MTHFD1L: variants seen among roughly 807,000 people sequenced by gnomAD.
MTHFD1L encodes methylenetetrahydrofolate dehydrogenase (NADP+ dependent) 1 like, also known as monofunctional C1-tetrahydrofolate synthase, mitochondrial.
A neutral mutation model predicts 119.5 loss-of-function variants in MTHFD1L; 81 were observed. The ratio of observed to expected loss-of-function variants is 0.68; its 90% confidence interval spans 0.57 to 0.82. The LOEUF is 0.82. Among genes scored for constraint, MTHFD1L ranks in the 40% least tolerant of loss-of-function variants. The pLI, the probability that MTHFD1L is intolerant of heterozygous loss-of-function variation, is 0.00. For missense variants in MTHFD1L, 1,125 were observed against 1,253.4 expected (o/e 0.90, Z 1.55); for synonymous variants, 430 against 475.2 (o/e 0.90, Z 1.24).
intron 26 of MTHFD1L, among the ~76,000 whole-genome samples, chr6:151,069,902 C>T (rs568553807): frequency 2.0e-5 from 3 of 152,346 alleles, no homozygotes; most frequent in South Asian, 2.1e-4. Flanking sequence ...TTTTCTATTT[C>T]AGCACACAGT....
chr6:150,991,761 G>A (rs984720345), intron 20 of MTHFD1L, among the ~76,000 whole-genome samples: 6 of 152,174 alleles, frequency 3.9e-5, no homozygotes, highest in African/African-American at 1.4e-4. Flanking sequence ...ATATTCTGGA[G>A]GGGAATAAAT....
Position 151,009,940 on chromosome 6 carries a change from G to T in MTHFD1L, c.2247G>T (p.Met749Ile). Residue 749 changes from methionine (M) to isoleucine (I), a missense_variant, in exon 21 of 28, where the codon ATG becomes ATT. By Grantham distance (10) the Met-to-Ile change is conservative. Around this residue, in one of 3 missense-constraint regions of MTHFD1L, gnomAD observed 1,058 missense variants for 1,151.2 expected, o/e 0.92. Transcript: ENST00000367321. ...VLVATVRALK[M>I]HGGGPSVTAG... ...TGGCAACGGTGCGAGCTCTGAAGAT[G>T]CATGGAGGCGGGCCAAGTGTAAGTG... 6.2e-7 allele frequency: 1 copy of T among 1,609,332 alleles called. No individual in the cohort carries two copies. The highest frequency in any genetic ancestry group is 8.5e-7 in the Non-Finnish European group (1 of 1,178,254).
intron 21 of MTHFD1L, among the ~76,000 whole-genome samples, chr6:151,010,784 C>T (rs1049244489): frequency 3.9e-5 from 6 of 151,990 alleles, no homozygotes; most frequent in South Asian, 2.1e-4. Context: ...TAAAATTTCT[C>T]TATCATAATA....
rs11756629 is a variant in MTHFD1L, at chr6:150,913,195, C to G, written c.893-5382C>G. On this transcript the variant is annotated intron_variant, in intron 8 of 27. Transcript: ENST00000367321. ...TTTTTTTTTGAGGCAGAGTCTCGCTCCCTCCCCCAGGCTGGAGTGCAGTGG... is the reference window on the plus strand; with the variant it reads ...TTTTTTTTTGAGGCAGAGTCTCGCTGCCTCCCCCAGGCTGGAGTGCAGTGG... Among the ~76,000 whole-genome samples the G allele has an allele frequency of 3.0e-3, 455 of 151,942 alleles. 3 individuals are homozygous for G. The highest frequency in any genetic ancestry group is 9.2e-3 in the East Asian group (47 of 5,116).
chr6:150,933,132 G>A (rs1791450114), intron 11 of MTHFD1L, among the ~76,000 whole-genome samples: 1 of 152,126 alleles, frequency 6.6e-6, no homozygotes, highest in African/African-American at 2.4e-5. Context: ...AGAAAGCTGA[G>A]CAGTCCTGTG....
In MTHFD1L at chr6:151,016,931, C is replaced by T. The variant is rs532805647; in HGVS notation, c.2586+1238C>T. The stretch of plus-strand genomic sequence containing the variant: ...GGGACTACAGGCGCAAGCAAGCGTG[C>T]CTGGCTAATTTCTTTTTTATTTTAG... On this transcript the variant is annotated intron_variant, in intron 24 of 27. Transcript: ENST00000367321. Among the ~76,000 whole-genome samples, 10 of 151,778 alleles carry T rather than the reference C, an allele frequency of 6.6e-5. No homozygotes were observed. In the South Asian group the frequency reaches 2.1e-3, roughly 32 times the overall value.
intron 7 of MTHFD1L, among the ~76,000 whole-genome samples, chr6:150,889,341 T>C (rs1782845312): frequency 6.6e-6 from 1 of 152,066 alleles, no homozygotes; most frequent in Admixed American, 6.5e-5. Flanking sequence ...TAGAAAAAAA[T>C]ATAGGCGTAT....
At chr6:151,084,701 C>T (rs1584430891) in intron 26 of MTHFD1L, among the ~76,000 whole-genome samples, 1 of 151,910 alleles carries the variant, frequency 6.6e-6, no homozygotes, top group Non-Finnish European at 1.5e-5. Flanking sequence ...CGTGGTGGCT[C>T]ATGCCTGTAA....
At chr6:151,057,215 C>T (rs6934853) in intron 26 of MTHFD1L, 1 of 984,728 alleles carries the variant, frequency 1.0e-6, no homozygotes, top group Non-Finnish European at 1.2e-6. Context: ...TTCTGTCAAT[C>T]TAATTTTTAA....
chr6:151,015,637 G>T lies in MTHFD1L; in HGVS notation c.2530G>T (p.Ala844Ser), dbSNP rs757045245. Reference protein sequence around the residue: ...GGKGSVDLARAVREAASKRSR... With the variant: ...GGKGSVDLARSVREAASKRSR... Reference sequence around the variant, plus strand: ...AAAAGGATCGGTGGACTTGGCTCGGGCTGTGAGAGAGGCTGCGAGTAAAAG... The same window carrying T: ...AAAAGGATCGGTGGACTTGGCTCGGTCTGTGAGAGAGGCTGCGAGTAAAAG... Residue 844 changes from alanine to serine, a missense_variant, in exon 24 of 28, where the codon GCT becomes TCT. Ala to Ser is a moderately conservative substitution (Grantham distance 99). Around this residue, in one of 3 missense-constraint regions of MTHFD1L, gnomAD observed 1,058 missense variants for 1,151.2 expected, o/e 0.92. Transcript: ENST00000367321. 6.2e-7 allele frequency: 1 copy of T among 1,614,144 alleles called. No individual in the cohort carries two copies. Among genetic ancestry groups the T allele is most frequent in the Non-Finnish European group, 8.5e-7 (1 of 1,180,030 alleles).
At chr6:151,003,895 C>A (rs1780990285) in intron 20 of MTHFD1L, among the ~76,000 whole-genome samples, 1 of 151,312 alleles carries the variant, frequency 6.6e-6, no homozygotes, top group Non-Finnish European at 1.5e-5. Context: ...TGGCCTGGTG[C>A]ACAGGAGAAA....
Position 151,062,626 on chromosome 6 carries a change from G to A in MTHFD1L, c.2847+25509G>A, listed in dbSNP as rs1399922649. Among the ~76,000 whole-genome samples the A allele has an allele frequency of 6.6e-5, 10 of 152,144 alleles. No individual in the cohort carries two copies. In the South Asian group the frequency reaches 2.1e-3, roughly 31 times the overall value. ...CTTATATATTAGGACTGTGTTGGGG[G>A]CAGGAGTAGGCAGAGTAACCCTTTG... On this transcript the variant is annotated intron_variant, in intron 26 of 27. Transcript: ENST00000367321.
chr6:151,051,984 T>C (rs950840764), intron 26 of MTHFD1L, among the ~76,000 whole-genome samples: 7 of 151,994 alleles, frequency 4.6e-5, no homozygotes, highest in Non-Finnish European at 1.0e-4. Flanking sequence ...GGCAATAACA[T>C]TGGAAGTGGA....
chr6:151,087,209 G>C (rs1051611107), intron 26 of MTHFD1L, among the ~76,000 whole-genome samples: 2 of 151,846 alleles, frequency 1.3e-5, no homozygotes, highest in Non-Finnish European at 2.9e-5. Flanking sequence ...AGATCACGCT[G>C]CTGCAGTCCA....
At chr6:151,055,897 G>C (rs1322929586) in intron 26 of MTHFD1L, 1 of 152,180 alleles carries the variant, frequency 6.6e-6, no homozygotes, top group African/African-American at 2.4e-5. Flanking sequence ...TCCAAGAACT[G>C]TATAATAGGA....
intron 9 of MTHFD1L, 21 bp downstream of exon 9, chr6:150,918,689 T>C (rs779417878): frequency 6.3e-6 from 10 of 1,587,712 alleles, no homozygotes; most frequent in Non-Finnish European, 8.6e-6. Flanking sequence ...CATAGCTGTC[T>C]GAGAATCTTG....
rs117218452 is a variant in MTHFD1L at position 151,097,628 on chromosome 6, T to C, written c.*32-3898T>C. On this transcript the variant is annotated intron_variant, in intron 27 of 27. Coordinates refer to ENST00000367321, the MANE Select transcript of MTHFD1L (RefSeq NM_015440.5). ...GCTGGGAGGAGGTTATGAAGAAAGG[T>C]TGGTTATGGGTACAAACATACAGTT... is the stretch of plus-strand genomic sequence containing the variant. Among the ~76,000 whole-genome samples, 194 of 152,222 alleles carry C rather than the reference T, an allele frequency of 1.3e-3. 3 individuals are homozygous for C. In the East Asian group the frequency reaches 0.03, roughly 24 times the overall value.
At chr6:150,912,569 TC>T in intron 8 of MTHFD1L, 1 of 341,406 alleles carries the variant, frequency 2.9e-6, no homozygotes. Flanking sequence ...CTGGCAAAGT[TC>T]CCAGGGTGGT....
chr6:150,868,169 T>G (rs1001885457), intron 1 of MTHFD1L, among the ~76,000 whole-genome samples: 3 of 152,052 alleles, frequency 2.0e-5, no homozygotes, highest in Non-Finnish European at 4.4e-5. Context: ...AGTAGGGGGC[T>G]TTAGGGCCTG....
Sources: allele counts gnomAD v4.1 joint callset (sites outside exome capture counted in the v4.1 genomes callset), GRCh38; gene constraint gnomAD v4.1.1; regional missense constraint gnomAD v4.1.1; transcripts MANE v1.5; gene names NCBI Gene and HGNC (gene_info 2026-07-23, HGNC 2026-07-21).